The following ANAPC10 variants were observed in gnomAD, a reference collection of about 807,000 sequenced individuals.
ANAPC10 encodes anaphase-promoting complex subunit 10.
In ANAPC10, 12 loss-of-function variants were observed where a neutral mutation model predicts 22.0. The observed-to-expected ratio is 0.55, with a 90% CI of 0.35 to 0.88. The LOEUF (loss-of-function observed/expected upper bound fraction) is 0.88. ANAPC10 is among the 40% of genes least tolerant of loss of function. The probability of loss-of-function intolerance (pLI) is 0.01; values close to 1 mark genes in which losing one functional copy is unlikely to be tolerated. For synonymous variants in ANAPC10, 65 were observed against 69.5 expected (o/e 0.94, Z 0.32); for missense variants, 188 against 220.9 (o/e 0.85, Z 0.94).
chr4:145,056,410 C>A (rs1742081096), intron 4 of ANAPC10, among the ~76,000 whole-genome samples: 1 of 152,180 alleles, frequency 6.6e-6, no homozygotes, highest in East Asian at 1.9e-4. Context: ...CAAGAAATAA[C>A]CATAAAGATG....
intron 4 of ANAPC10, among the ~76,000 whole-genome samples, chr4:145,056,920 GT>G (rs1384498313): frequency 6.6e-6 from 1 of 152,098 alleles, no homozygotes; most frequent in African/African-American, 2.4e-5. Flanking sequence ...GATTTTGTGG[GT>G]TTTTTGTCTT....
chr4:145,052,912 C>A (rs1051179564), intron 4 of ANAPC10, among the ~76,000 whole-genome samples: 2 of 151,402 alleles, frequency 1.3e-5, no homozygotes, highest in Non-Finnish European at 2.9e-5. Flanking sequence ...AAGGGATACT[C>A]ATTTATTATA....
rs35599526 is a variant in ANAPC10 at position 145,058,870 on chromosome 4, C to T, written c.327+5702G>A. ...AAGTTTTCAAAAATTCTATATATTG[C>T]TTTTAGAGAAGGTTAGAAGGTAACA... On this transcript the variant is annotated intron_variant, in intron 4 of 4. Transcript: ENST00000507656. Among the ~76,000 whole-genome samples, 668 of 152,126 alleles carry T rather than the reference C, an allele frequency of 4.4e-3. 3 individuals carry two copies. The highest frequency in any genetic ancestry group is 0.015 in the African/African-American group (614 of 41,536).
intron 4 of ANAPC10, among the ~76,000 whole-genome samples, chr4:145,051,357 T>C (rs1741073231): frequency 6.6e-6 from 1 of 152,142 alleles, no homozygotes; most frequent in South Asian, 2.1e-4. Flanking sequence ...AATAGTATCA[T>C]TAAGAATCAC....
At chr4:145,047,992 G>T (rs936403063) in intron 4 of ANAPC10, among the ~76,000 whole-genome samples, 3 of 151,996 alleles carry the variant, frequency 2.0e-5, no homozygotes, top group Non-Finnish European at 4.4e-5. Flanking sequence ...AATTAGGATT[G>T]CCCTATATTC....
intron 4 of ANAPC10, among the ~76,000 whole-genome samples, chr4:145,009,243 A>C (rs951158565): frequency 1.3e-5 from 2 of 152,144 alleles, no homozygotes; most frequent in Admixed American, 1.3e-4. Context: ...ATATCATGAA[A>C]ATGGCCATAT....
intron 4 of ANAPC10, among the ~76,000 whole-genome samples, chr4:145,019,959 A>C (rs527422533): frequency 1.3e-5 from 2 of 152,254 alleles, no homozygotes; most frequent in African/African-American, 4.8e-5. Context: ...TTATCAACAA[A>C]AAAAAAGGCC....
intron 4 of ANAPC10, among the ~76,000 whole-genome samples, chr4:145,053,210 A>T (rs1324672759): frequency 1.3e-5 from 2 of 152,236 alleles, no homozygotes; most frequent in African/African-American, 4.8e-5. Flanking sequence ...AAAATAAGTA[A>T]CAGAAAATTC....
chr4:145,071,345 G>T (rs1318546328), intron 3 of ANAPC10, among the ~76,000 whole-genome samples: 1 of 152,204 alleles, frequency 6.6e-6, no homozygotes. Flanking sequence ...GGCAGAGGTT[G>T]CAGTGAGCCA....
chr4:145,029,839 C>T (rs967470070), intron 4 of ANAPC10, among the ~76,000 whole-genome samples: 1 of 152,102 alleles, frequency 6.6e-6, no homozygotes, highest in Non-Finnish European at 1.5e-5. Flanking sequence ...AGAAGATATA[C>T]CCTTGACCAA....
At chr4:145,047,249 A>G (rs933588382) in intron 4 of ANAPC10, among the ~76,000 whole-genome samples, 15 of 152,250 alleles carry the variant, frequency 9.9e-5, no homozygotes, top group Non-Finnish European at 2.1e-4. Context: ...CAATCTAGAA[A>G]CATGTTCCTT....
intron 3 of ANAPC10, among the ~76,000 whole-genome samples, chr4:145,072,239 A>G (rs1644968454): frequency 6.6e-6 from 1 of 152,202 alleles, no homozygotes; most frequent in Admixed American, 6.5e-5. Context: ...CTCCCCACCA[A>G]GTTCTCATCC....
At chr4:145,062,481 C>G (rs1743039618) in intron 4 of ANAPC10, among the ~76,000 whole-genome samples, 1 of 151,960 alleles carries the variant, frequency 6.6e-6, no homozygotes, top group Non-Finnish European at 1.5e-5. Flanking sequence ...GTGGCGCATT[C>G]CTGTAATCCC....
intron 4 of ANAPC10, among the ~76,000 whole-genome samples, chr4:145,009,369 T>C (rs1431772041): frequency 6.6e-6 from 1 of 152,060 alleles, no homozygotes; most frequent in Non-Finnish European, 1.5e-5. Context: ...GAGCCCACAT[T>C]GCCAAGTCAA....
chr4:145,043,623 T>C (rs1739847338), intron 4 of ANAPC10, among the ~76,000 whole-genome samples: 2 of 152,274 alleles, frequency 1.3e-5, no homozygotes, highest in South Asian at 4.1e-4. Flanking sequence ...ATCAATTCTT[T>C]CCATTATAAA....
At chr4:145,032,180 C>T (rs1354412840) in intron 4 of ANAPC10, among the ~76,000 whole-genome samples, 2 of 152,200 alleles carry the variant, frequency 1.3e-5, no homozygotes, top group African/African-American at 2.4e-5. Flanking sequence ...ATGCAGGCAC[C>T]ACCTGCAAGT....
chr4:144,995,206 A>G lies in ANAPC10; in HGVS notation c.*167T>C. 1 of 430,982 alleles carries G rather than the reference A, an allele frequency of 2.3e-6. No homozygotes were observed. Among genetic ancestry groups the G allele is most frequent in the Non-Finnish European group, 4.0e-6 (1 of 247,580 alleles). 26.7% of individuals were successfully genotyped at this position (430,982 alleles called of 1,614,324 possible). Reference sequence around the variant, plus strand: ...AGCTTTATTACATGTTAAAGAAAATAAAGATAATATGACCCCAAATTTATT... The same window carrying G: ...AGCTTTATTACATGTTAAAGAAAATGAAGATAATATGACCCCAAATTTATT... On this transcript the variant is annotated 3_prime_UTR_variant, in exon 5 of 5. Coordinates refer to ENST00000507656, the MANE Select transcript of ANAPC10 (RefSeq NM_001256706.2).
At chr4:145,069,444 G>T (rs1219347910) in intron 3 of ANAPC10, among the ~76,000 whole-genome samples, 1 of 152,160 alleles carries the variant, frequency 6.6e-6, no homozygotes, top group Non-Finnish European at 1.5e-5. Context: ...GATAGGCAAA[G>T]AACAAGCACT....
intron 1 of ANAPC10, chr4:145,097,784 C>T: frequency 2.9e-6 from 1 of 346,478 alleles, no homozygotes; most frequent in South Asian, 2.2e-5. Flanking sequence ...GAAATAAAGC[C>T]CATCTTTAGG....
Sources: gnomAD v4.1 joint callset for allele counts (sites outside exome capture counted in the v4.1 genomes callset) on GRCh38, gnomAD v4.1.1 for gene constraint, MANE v1.5 for transcripts, NCBI Gene and HGNC (gene_info 2026-07-23, HGNC 2026-07-21) for gene names.